The following MCC variants were observed in gnomAD, a reference collection of about 807,000 sequenced individuals.
MCC encodes the protein colorectal mutant cancer protein.
MCC carries 90 observed loss-of-function variants against 116.2 expected under a neutral mutation model. The ratio of observed to expected loss-of-function variants is 0.77; its 90% CI spans 0.65 to 0.92. The LOEUF is 0.92. Among genes scored for constraint, MCC ranks in the 40% least tolerant of loss-of-function variants. MCC has a pLI of 0.00. For missense variants in MCC, 1,516 were observed against 1,312.2 expected, an observed-to-expected ratio of 1.16 and a Z score of -2.40; for synonymous variants, 578 against 510.5, an observed-to-expected ratio of 1.13 and a Z score of -1.78.
intron 3 of MCC, among the ~76,000 whole-genome samples, chr5:113,236,435 C>T (rs1025878149): frequency 2.0e-5 from 3 of 152,172 alleles, no homozygotes; most frequent in Non-Finnish European, 2.9e-5. Flanking sequence ...GACTAAATCT[C>T]AGTTGTATTA....
intron 1 of MCC, among the ~76,000 whole-genome samples, chr5:113,398,498 A>T (rs1769594132): frequency 6.6e-6 from 1 of 152,232 alleles, no homozygotes; most frequent in African/African-American, 2.4e-5. Flanking sequence ...CCATGCAGCC[A>T]TAAAACAGAA....
chr5:113,389,337 C>T (rs1769349967), intron 1 of MCC, among the ~76,000 whole-genome samples: 3 of 152,112 alleles, frequency 2.0e-5, no homozygotes, highest in Admixed American at 2.0e-4. Flanking sequence ...ATTTCCCTGC[C>T]CTTGAATCTG....
At chr5:113,175,894 A>T (rs1047414767) in intron 3 of MCC, among the ~76,000 whole-genome samples, 5 of 144,944 alleles carry the variant, frequency 3.4e-5, no homozygotes, top group East Asian at 2.0e-4. Flanking sequence ...GATCTAGATT[A>T]AAAAAAAAAA....
chr5:113,266,823 C>A (rs1056965050), intron 3 of MCC, among the ~76,000 whole-genome samples: 6 of 151,920 alleles, frequency 3.9e-5, no homozygotes, highest in Admixed American at 1.3e-4. Context: ...AAAAAAAAAA[C>A]CTAACAAAAA....
At chr5:113,217,954 T>C (rs1763388454) in intron 3 of MCC, among the ~76,000 whole-genome samples, 1 of 152,012 alleles carries the variant, frequency 6.6e-6, no homozygotes, top group African/African-American at 2.4e-5. Context: ...GCCGCACATA[T>C]CCCAAACAGA....
chr5:113,353,041 T>C (rs147051752), intron 2 of MCC, among the ~76,000 whole-genome samples: 135 of 152,250 alleles, frequency 8.9e-4, no homozygotes, highest in African/African-American at 3.2e-3. Context: ...TGCTTTCTTC[T>C]CCTTGACATG....
chr5:113,371,194 C>G lies in MCC; in HGVS notation c.415+13774G>C, dbSNP rs1284598507. Among the ~76,000 whole-genome samples, 3 of 152,272 alleles carry G rather than the reference C, an allele frequency of 2.0e-5. 1 individual carries two copies. In the South Asian group the frequency reaches 6.2e-4, roughly 32 times the overall value. ...CAAGGTTGTGCCACTGCACTCCAGC[C>G]TGGGTGACAGACTAAGACTCCGTCT... On this transcript the variant is annotated intron_variant, in intron 2 of 18. Transcript: ENST00000408903.
At chr5:113,432,303 A>G (rs1770678077) in intron 1 of MCC, among the ~76,000 whole-genome samples, 1 of 139,794 alleles carries the variant, frequency 7.2e-6, no homozygotes, top group African/African-American at 2.6e-5. Flanking sequence ...AGCCTGGGCT[A>G]GAGCGAGACT....
Position 113,164,767 on chromosome 5 carries a change from C to G in MCC, c.628-13345G>C, listed in dbSNP as rs184587380. On this transcript the variant is annotated intron_variant, in intron 3 of 18. Coordinates refer to ENST00000408903, the MANE Select transcript of MCC (RefSeq NM_001085377.2). ...TTTGAGATCCCATATCTGGTGTGGG[C>G]TAAGGGAGAGAGCCTGAGGACTCAA... Among the ~76,000 whole-genome samples, 4 of 152,274 alleles carry G rather than the reference C, an allele frequency of 2.6e-5. No homozygotes were observed. The East Asian group carries it at 7.7e-4, about 29-fold the overall frequency.
At chr5:113,142,040 A>G (rs895249803) in intron 5 of MCC, among the ~76,000 whole-genome samples, 12 of 152,178 alleles carry the variant, frequency 7.9e-5, no homozygotes, top group African/African-American at 2.9e-4. Context: ...ACAATTTAAA[A>G]GCCTTGAGGT....
At chr5:113,302,513 T>G (rs1766888537) in intron 3 of MCC, among the ~76,000 whole-genome samples, 1 of 152,242 alleles carries the variant, frequency 6.6e-6, no homozygotes, top group Admixed American at 6.5e-5. Flanking sequence ...ACTTTTTGGA[T>G]ATTTCATGAT....
At chr5:113,457,058 C>T (rs558365049) in intron 1 of MCC, among the ~76,000 whole-genome samples, 2 of 152,228 alleles carry the variant, frequency 1.3e-5, no homozygotes, top group Non-Finnish European at 2.9e-5. Context: ...TTGAGGAGCC[C>T]TTCAGCCCAC....
intron 6 of MCC, among the ~76,000 whole-genome samples, chr5:113,117,568 C>T (rs550341985): frequency 1.1e-3 from 173 of 152,306 alleles, no homozygotes; most frequent in African/African-American, 3.8e-3. Context: ...ATTTCTCACC[C>T]AAAATCAGAA....
intron 5 of MCC, among the ~76,000 whole-genome samples, chr5:113,126,482 C>T (rs530017974): frequency 6.6e-6 from 1 of 152,180 alleles, no homozygotes; most frequent in Admixed American, 6.5e-5. Flanking sequence ...CTGCATGAAT[C>T]CATTTATATG....
At chr5:113,340,867 T>G (rs1187388913) in intron 2 of MCC, 137 bp from the exon 3 acceptor site, 1 of 674,228 alleles carries the variant, frequency 1.5e-6, no homozygotes, top group Admixed American at 2.9e-5. Context: ...CCAGGCTGCA[T>G]GCTAAGCGCT....
At chr5:113,073,876 CTG>C (rs2150236004) in intron 11 of MCC, among the ~76,000 whole-genome samples, 1 of 152,324 alleles carries the variant, frequency 6.6e-6, no homozygotes, top group East Asian at 1.9e-4. Context: ...AACAAAGTGG[CTG>C]GGAAGCTCAA....
intron 17 of MCC, among the ~76,000 whole-genome samples, chr5:113,039,006 T>G (rs1236120697): frequency 6.6e-6 from 1 of 152,054 alleles, no homozygotes; most frequent in Non-Finnish European, 1.5e-5. Flanking sequence ...GACCGCAGCC[T>G]CCTGGAGGGC....
At chr5:113,225,169 T>C (rs771615523) in intron 3 of MCC, among the ~76,000 whole-genome samples, 2 of 152,250 alleles carry the variant, frequency 1.3e-5, no homozygotes, top group Admixed American at 6.5e-5. Context: ...GAGTCAAAGA[T>C]GTCAACATCA....
chr5:113,246,061 A>G (rs1196205936), intron 3 of MCC, among the ~76,000 whole-genome samples: 1 of 152,240 alleles, frequency 6.6e-6, no homozygotes, highest in Non-Finnish European at 1.5e-5. Flanking sequence ...AAAAAAGAAT[A>G]AACTCTTGGT....
Sources: allele counts gnomAD v4.1 joint callset (sites outside exome capture counted in the v4.1 genomes callset), GRCh38; gene constraint gnomAD v4.1.1; transcripts MANE v1.5; gene names NCBI Gene and HGNC (gene_info 2026-07-23, HGNC 2026-07-21).